ZNF385D: variants seen among roughly 807,000 people sequenced by gnomAD.
ZNF385D encodes the protein zinc finger protein 385D, also known as zinc finger protein 659.
A neutral mutation model predicts 35.8 loss-of-function variants in ZNF385D; 15 were observed. The observed-to-expected ratio is 0.42, with a 90% CI of 0.28 to 0.64. The LOEUF is 0.64. Ranked by LOEUF, ZNF385D falls within the 30% of genes least tolerant of loss-of-function variation. The pLI is 0.23. For missense variants in ZNF385D, 474 were observed against 494.6 expected (o/e 0.96, Z 0.39); for synonymous variants, 212 against 186.8 (o/e 1.13, Z -1.10).
rs369477729 is a variant in ZNF385D at position 21,659,531 on chromosome 3, A to T, written c.165+5355T>A. Among the ~76,000 whole-genome samples, 5 of 152,256 alleles carry T rather than the reference A, an allele frequency of 3.3e-5. 1 individual carries two copies. Among genetic ancestry groups the T allele is most frequent in the Non-Finnish European group, 1.5e-5 (1 of 68,004 alleles). ...GGCTGCTGTAACCAGAGTCCTGAGC[A>T]ATGTCATACAAGGAAGGCTCGTAGC... On this transcript the variant is annotated intron_variant, in intron 2 of 7. Transcript: ENST00000281523.
chr3:21,691,267 C>T (rs1459968305), intron 1 of ZNF385D, among the ~76,000 whole-genome samples: 1 of 152,184 alleles, frequency 6.6e-6, no homozygotes, highest in Non-Finnish European at 1.5e-5. Context: ...CGCTCGCTGG[C>T]TCCATTGCAG....
At chr3:21,485,229 A>G (rs1704943312) in intron 4 of ZNF385D, among the ~76,000 whole-genome samples, 1 of 152,194 alleles carries the variant, frequency 6.6e-6, no homozygotes, top group Non-Finnish European at 1.5e-5. Flanking sequence ...ACAGTGTTAC[A>G]TGATCAGCTG....
intron 2 of ZNF385D, among the ~76,000 whole-genome samples, chr3:22,364,581 TA>T (rs376552203): frequency 2.8e-4 from 42 of 151,756 alleles, no homozygotes; most frequent in Non-Finnish European, 1.5e-5. Flanking sequence ...ATAGCTACTA[TA>T]AAAAAAATAG....
At chr3:21,679,301 G>A (rs991251090) in intron 1 of ZNF385D, among the ~76,000 whole-genome samples, 5 of 151,900 alleles carry the variant, frequency 3.3e-5, no homozygotes, top group Non-Finnish European at 4.4e-5. Flanking sequence ...AAAATGATAT[G>A]AAATAATGGA....
At chr3:21,708,843 C>G (rs754326905) in intron 1 of ZNF385D, among the ~76,000 whole-genome samples, 1 of 147,624 alleles carries the variant, frequency 6.8e-6, no homozygotes, top group Admixed American at 6.7e-5. Context: ...TTAAAGCATC[C>G]GAAGTGTGTG....
intron 2 of ZNF385D, among the ~76,000 whole-genome samples, chr3:22,367,315 A>T (rs983554839): frequency 1.3e-5 from 2 of 152,184 alleles, no homozygotes; most frequent in Admixed American, 1.3e-4. Flanking sequence ...AAGAAAAAAA[A>T]CAAGGATTCA....
At chr3:22,257,895 A>C (rs1700396927) in intron 2 of ZNF385D, among the ~76,000 whole-genome samples, 1 of 151,838 alleles carries the variant, frequency 6.6e-6, no homozygotes, top group Non-Finnish European at 1.5e-5. Flanking sequence ...ATTTTTAAAA[A>C]ATTAGGTTAC....
chr3:22,232,639 T>C (rs1434043247), intron 2 of ZNF385D, among the ~76,000 whole-genome samples: 1 of 152,136 alleles, frequency 6.6e-6, no homozygotes, highest in South Asian at 2.1e-4. Context: ...ACATGTGGTG[T>C]TTGGTTTTCT....
chr3:21,855,464 T>C (rs920803316), intron 3 of ZNF385D, among the ~76,000 whole-genome samples: 2 of 152,066 alleles, frequency 1.3e-5, no homozygotes, highest in African/African-American at 2.4e-5. Context: ...AAGATCTTCC[T>C]CGGCATCTCT....
At chr3:21,935,973 G>A (rs1236265300) in intron 3 of ZNF385D, among the ~76,000 whole-genome samples, 1 of 152,054 alleles carries the variant, frequency 6.6e-6, no homozygotes, top group Non-Finnish European at 1.5e-5. Flanking sequence ...CAACAGAATA[G>A]GGGAACAATG....
chr3:22,015,412 C>T (rs368615984), intron 3 of ZNF385D, among the ~76,000 whole-genome samples: 20 of 152,226 alleles, frequency 1.3e-4, no homozygotes, highest in African/African-American at 3.1e-4. Flanking sequence ...AAAATATCTA[C>T]GCTTTTCACA....
At chr3:21,533,255 T>C (rs1331608953) in intron 3 of ZNF385D, among the ~76,000 whole-genome samples, 1 of 152,152 alleles carries the variant, frequency 6.6e-6, no homozygotes, top group African/African-American at 2.4e-5. Flanking sequence ...CACTTCATCA[T>C]TGGCCCGTCG....
At chr3:22,339,541 T>C (rs989444774) in intron 2 of ZNF385D, among the ~76,000 whole-genome samples, 9 of 152,112 alleles carry the variant, frequency 5.9e-5, no homozygotes, top group Non-Finnish European at 1.3e-4. Flanking sequence ...CCTCAACAGC[T>C]CCAATAAATG....
intron 3 of ZNF385D, among the ~76,000 whole-genome samples, chr3:22,117,631 A>G (rs992975524): frequency 6.6e-5 from 10 of 152,002 alleles, no homozygotes; most frequent in Admixed American, 3.9e-4. Flanking sequence ...CTTAAATTGA[A>G]TATTTTAGAT....
At chr3:21,863,966 C>T (rs755843794) in intron 3 of ZNF385D, among the ~76,000 whole-genome samples, 1 of 152,138 alleles carries the variant, frequency 6.6e-6, no homozygotes, top group Non-Finnish European at 1.5e-5. Flanking sequence ...GAAGATGCTA[C>T]ATTTCCAACA....
At chr3:22,137,462 G>A (rs966782745) in intron 3 of ZNF385D, among the ~76,000 whole-genome samples, 1 of 152,154 alleles carries the variant, frequency 6.6e-6, no homozygotes, top group African/African-American at 2.4e-5. Context: ...ACATCAAAAA[G>A]CTTATCCACC....
At chr3:22,267,727 C>A (rs543996706) in intron 2 of ZNF385D, among the ~76,000 whole-genome samples, 2 of 151,772 alleles carry the variant, frequency 1.3e-5, no homozygotes, top group Non-Finnish European at 2.9e-5. Flanking sequence ...TAGAATGATG[C>A]GTATACAATT....
At chr3:22,364,483 C>T (rs1357497468) in intron 2 of ZNF385D, among the ~76,000 whole-genome samples, 4 of 151,876 alleles carry the variant, frequency 2.6e-5, no homozygotes, top group Non-Finnish European at 2.9e-5. Context: ...AAATGGCTAA[C>T]GAGCACATGA....
chr3:21,661,284 G>C (rs1054098959), intron 2 of ZNF385D, among the ~76,000 whole-genome samples: 3 of 152,092 alleles, frequency 2.0e-5, no homozygotes, highest in Admixed American at 6.6e-5. Context: ...CTGTACTCAA[G>C]CTAACATTCT....
Sources: allele counts gnomAD v4.1 joint callset (sites outside exome capture counted in the v4.1 genomes callset), GRCh38; gene constraint gnomAD v4.1.1; transcripts MANE v1.5; gene names NCBI Gene and HGNC (gene_info 2026-07-23, HGNC 2026-07-21).